Variants in INPP5D observed in about 807,000 individuals in gnomAD.
The protein encoded by INPP5D is inositol polyphosphate-5-phosphatase D.
A neutral mutation model predicts 122.9 loss-of-function variants in INPP5D; 33 were observed. The ratio of observed to expected loss-of-function variants is 0.27; its 90% CI spans 0.20 to 0.36. The LOEUF (loss-of-function observed/expected upper bound fraction) is 0.36. Among genes scored for constraint, INPP5D ranks in the 10% least tolerant of loss-of-function variants. The pLI is 1.00. For synonymous variants in INPP5D, 584 were observed against 576.2 expected, an observed-to-expected ratio of 1.01 and a Z score of -0.19; for missense variants, 1,053 against 1,412.7, an observed-to-expected ratio of 0.75 and a Z score of 4.08.
rs113474227 is a variant in INPP5D, at chr2:233,122,297, G to A, written c.349+40G>A. 2,265 of 1,597,482 alleles carry A rather than the reference G, an allele frequency of 1.4e-3. 41 individuals carry two copies. The African/African-American group carries it at 0.027, about 19-fold the overall frequency. On this transcript the variant is annotated intron_variant, in intron 3 of 26. Transcript: ENST00000445964. ...ACAGGACGGCAGGAGGTACTTTTGG[G>A]AACTTGCCCTGCACCCACCTTGAGT...
chr2:233,117,883 A>G (rs1264642645), intron 2 of INPP5D, among the ~76,000 whole-genome samples: 2 of 152,176 alleles, frequency 1.3e-5, no homozygotes, highest in African/African-American at 4.8e-5. Flanking sequence ...AGATGCATGG[A>G]AGACCCTCCC....
intron 5 of INPP5D, among the ~76,000 whole-genome samples, chr2:233,133,056 T>C (rs563802110): frequency 2.4e-4 from 36 of 151,470 alleles, no homozygotes; most frequent in Admixed American, 5.9e-4. Flanking sequence ...CCGAGTCCAA[T>C]GGAGAAGCTG....
intron 9 of INPP5D, among the ~76,000 whole-genome samples, chr2:233,155,755 A>G (rs1694036433): frequency 6.6e-6 from 1 of 152,200 alleles, no homozygotes; most frequent in African/African-American, 2.4e-5. Flanking sequence ...AGAATTCAGG[A>G]AAGAGTCTCA....
At chr2:233,066,360 A>G (rs1243363114) in intron 1 of INPP5D, among the ~76,000 whole-genome samples, 1 of 152,200 alleles carries the variant, frequency 6.6e-6, no homozygotes, top group Non-Finnish European at 1.5e-5. Flanking sequence ...CACCCCAGAC[A>G]TAGAGTGAGA....
At chr2:233,145,514 A>T (rs932386732) in intron 6 of INPP5D, among the ~76,000 whole-genome samples, 1 of 152,198 alleles carries the variant, frequency 6.6e-6, no homozygotes, top group Non-Finnish European at 1.5e-5. Flanking sequence ...AACTTGATAG[A>T]GGTGACCTGG....
At position 233,078,962 on chromosome 2, in the gene INPP5D, T is replaced by C. The variant is rs1222608082; in HGVS notation, c.135-373T>C. ...TCCCAAAGTGCTGGGATTACAGGCG[T>C]GAGCCACCGTGCCTGGCCTGCAAGC... On this transcript the variant is annotated intron_variant, in intron 1 of 26. Transcript: ENST00000445964. This position sits in a 1 kb window ranked among gnomAD's most constrained non-coding sequence, Gnocchi z 4.6. Among the ~76,000 whole-genome samples the C allele has an allele frequency of 6.6e-6, 1 of 152,184 alleles. No individual in the cohort carries two copies. Among genetic ancestry groups the C allele is most frequent in the African/African-American group, 2.4e-5 (1 of 41,448 alleles).
intron 22 of INPP5D, 84 bp downstream of exon 22, chr2:233,190,021 C>T (rs1695013338): frequency 1.9e-6 from 3 of 1,548,926 alleles, no homozygotes; most frequent in Middle Eastern, 1.7e-4. Context: ...GCTCACCTGG[C>T]ACTTCCGGTC....
rs1694964681 is a variant in INPP5D at position 233,188,056 on chromosome 2, A to C, written c.2359-1794A>C. Among the ~76,000 whole-genome samples the C allele has an allele frequency of 6.7e-6, 1 of 149,698 alleles. No individual in the cohort carries two copies. The highest frequency in any genetic ancestry group is 2.5e-5 in the African/African-American group (1 of 40,508). On this transcript the variant is annotated intron_variant, in intron 21 of 26. Transcript: ENST00000445964. The surrounding 1 kb of genome is among the most constrained non-coding windows in gnomAD (Gnocchi z 4.7). ...CCCCCTGCCCCCTCCCAGGGGGTCC[A>C]CTCCTCCTGTCTCCTGCCTCTTGCT...
chr2:233,145,655 G>A (rs1158975942), intron 6 of INPP5D, among the ~76,000 whole-genome samples: 1 of 151,914 alleles, frequency 6.6e-6, no homozygotes, highest in East Asian at 1.9e-4. Context: ...AGGCAGATAT[G>A]AGTTGAGGAT....
chr2:233,204,602 T>C lies in INPP5D; in HGVS notation c.3452T>C (p.Leu1151Pro). 4 of 1,572,498 alleles carry C rather than the reference T, an allele frequency of 2.5e-6. No homozygotes were observed. The highest frequency in any genetic ancestry group is 3.4e-6 in the Non-Finnish European group (4 of 1,160,480). Residue 1151 changes from leucine to proline, a missense_variant, in exon 26 of 27, where the codon CTG becomes CCG. By Grantham distance (98) the Leu-to-Pro change is moderately conservative. This residue lies in a region of INPP5D where 417 missense variants were observed against 425.8 expected (regional missense o/e 0.98). Coordinates refer to ENST00000445964, the MANE Select transcript of INPP5D (RefSeq NM_001017915.3). ...PPLPVKSPAV[L>P]HLQHSKGRDY... Reference sequence around the variant, plus strand: ...CTGCCAGTCAAGAGCCCGGCGGTGCTGCACCTCCAGCACTCCAAGGGCCGC... The same window carrying C: ...CTGCCAGTCAAGAGCCCGGCGGTGCCGCACCTCCAGCACTCCAAGGGCCGC...
chr2:233,102,715 T>A (rs973379268), intron 2 of INPP5D, among the ~76,000 whole-genome samples: 1 of 147,296 alleles, frequency 6.8e-6, no homozygotes, highest in Admixed American at 6.7e-5. Context: ...CTGGACGTGG[T>A]GGCGGGCGCC....
intron 3 of INPP5D, among the ~76,000 whole-genome samples, chr2:233,122,902 G>A (rs2106256803): frequency 6.6e-6 from 1 of 152,294 alleles, no homozygotes. Context: ...AGAGAATAAC[G>A]ATAGTACCTG....
intron 19 of INPP5D, among the ~76,000 whole-genome samples, chr2:233,182,994 C>T (rs540172458): frequency 6.6e-6 from 1 of 152,234 alleles, no homozygotes; most frequent in East Asian, 1.9e-4. Flanking sequence ...AAGAGTAGCA[C>T]AGGTGCGTGG....
chr2:233,188,325 C>T lies in INPP5D; in HGVS notation c.2359-1525C>T, dbSNP rs1239115700. On this transcript the variant is annotated intron_variant, in intron 21 of 26. Coordinates refer to ENST00000445964, the MANE Select transcript of INPP5D (RefSeq NM_001017915.3). The surrounding 1 kb of genome is among the most constrained non-coding windows in gnomAD (Gnocchi z 4.7). Reference sequence around the variant, plus strand: ...GCCCCCTAGATAGTTCTCCTCCCTGCCACCGCCTGCCAGGGTGGTGGTGTC... The same window carrying T: ...GCCCCCTAGATAGTTCTCCTCCCTGTCACCGCCTGCCAGGGTGGTGGTGTC... Among the ~76,000 whole-genome samples the T allele has an allele frequency of 6.6e-6, 1 of 152,102 alleles. No homozygotes were observed. The highest frequency in any genetic ancestry group is 1.5e-5 in the Non-Finnish European group (1 of 68,022).
chr2:233,090,764 C>A (rs915691344), intron 2 of INPP5D, among the ~76,000 whole-genome samples: 2 of 152,058 alleles, frequency 1.3e-5, no homozygotes, highest in African/African-American at 4.8e-5. Context: ...TCGAGACCAG[C>A]CTGGCCAACA....
intron 1 of INPP5D, among the ~76,000 whole-genome samples, chr2:233,069,099 G>C (rs906255257): frequency 6.6e-6 from 1 of 152,198 alleles, no homozygotes; most frequent in African/African-American, 2.4e-5. Flanking sequence ...GCAGCACGTG[G>C]GGACCAGATT....
intron 2 of INPP5D, among the ~76,000 whole-genome samples, chr2:233,117,740 A>G (rs1019896385): frequency 5.3e-5 from 8 of 152,180 alleles, no homozygotes; most frequent in Non-Finnish European, 1.2e-4. Context: ...TGCACATGAA[A>G]AACGCACATG....
intron 2 of INPP5D, among the ~76,000 whole-genome samples, chr2:233,080,432 T>G (rs1221690412): frequency 1.5e-4 from 1 of 6,868 alleles, no homozygotes; most frequent in South Asian, 2.9e-3. Flanking sequence ...ACATCCCGGG[T>G]GTGTGTGTGT....
chr2:233,186,334 C>A (rs1277958536), intron 21 of INPP5D, among the ~76,000 whole-genome samples: 3 of 152,110 alleles, frequency 2.0e-5, no homozygotes, highest in Non-Finnish European at 4.4e-5. Context: ...CTATTCAGTG[C>A]TGGTTCATAG....
Sources: allele counts gnomAD v4.1 joint callset (sites outside exome capture counted in the v4.1 genomes callset), GRCh38; gene constraint gnomAD v4.1.1; regional missense constraint gnomAD v4.1.1; non-coding constraint Gnocchi (gnomAD v3.1); transcripts MANE v1.5; gene names NCBI Gene and HGNC (gene_info 2026-07-23, HGNC 2026-07-21).